The following PACSIN2 variants were observed in gnomAD, a reference collection of about 807,000 sequenced individuals.
PACSIN2 encodes protein kinase C and casein kinase substrate in neurons 2.
Under a neutral mutation model 63.8 loss-of-function variants are expected in PACSIN2, and 25 were observed. That is an observed-to-expected ratio of 0.39 (90% CI 0.29 to 0.55). PACSIN2 has a LOEUF of 0.55. Among genes scored for constraint, PACSIN2 ranks in the 20% least tolerant of loss-of-function variants. The pLI is 0.62. For missense variants in PACSIN2, 518 were observed against 646.9 expected (o/e 0.80, Z 2.16); for synonymous variants, 255 against 256.2 (o/e 1.00, Z 0.05).
chr22:42,985,483 C>G (rs1922540903), intron 1 of PACSIN2, among the ~76,000 whole-genome samples: 1 of 152,244 alleles, frequency 6.6e-6, no homozygotes, highest in African/African-American at 2.4e-5. Context: ...TCACTTCTCT[C>G]CACATGCAGG....
At chr22:42,875,680 T>A (rs1928561271) in intron 10 of PACSIN2, among the ~76,000 whole-genome samples, 2 of 152,088 alleles carry the variant, frequency 1.3e-5, no homozygotes, top group Admixed American at 1.3e-4. Flanking sequence ...TGATTATAGA[T>A]GCCCCGCCAC....
chr22:42,997,842 C>T (rs1923516383), intron 1 of PACSIN2, among the ~76,000 whole-genome samples: 1 of 152,138 alleles, frequency 6.6e-6, no homozygotes. Context: ...GATCACACCA[C>T]TGCACCCCAG....
chr22:42,982,869 T>TAAAAAAAAAAAAAAAAAAA (rs1252040629), intron 1 of PACSIN2, among the ~76,000 whole-genome samples: 16 of 43,988 alleles, frequency 3.6e-4, no homozygotes, highest in Admixed American at 7.1e-4. Flanking sequence ...GAATGATCAA[T>TAAAAAAAAAAAAAAAAAAA]AAAAAAAAAA....
chr22:42,924,519 G>A (rs2146756596), intron 1 of PACSIN2, among the ~76,000 whole-genome samples: 1 of 152,096 alleles, frequency 6.6e-6, no homozygotes, highest in South Asian at 2.1e-4. Context: ...AGCCCCCCAT[G>A]CAGAGTAAAA....
Position 42,871,050 on chromosome 22 carries a change from T to A in PACSIN2, c.*307A>T. The A allele has an allele frequency of 2.6e-6, 1 of 385,674 alleles. No individual in the cohort carries two copies. Among genetic ancestry groups the A allele is most frequent in the South Asian group, 3.3e-5 (1 of 30,650 alleles). 23.9% of individuals were successfully genotyped at this position (385,674 alleles called of 1,614,324 possible). A position where few individuals can be genotyped will look rare whatever the true frequency, so the allele number is the denominator to read the frequency against. Reference sequence around the variant, plus strand: ...GGAACAAGATCAGTGTAACCCACCATTGACTCGGAAAGGAGAGACAAAGTC... The same window carrying A: ...GGAACAAGATCAGTGTAACCCACCAATGACTCGGAAAGGAGAGACAAAGTC... On this transcript the variant is annotated 3_prime_UTR_variant, in exon 11 of 11. Transcript: ENST00000263246. This position sits in a 1 kb window ranked among gnomAD's most constrained non-coding sequence, Gnocchi z 5.4.
intron 1 of PACSIN2, among the ~76,000 whole-genome samples, chr22:42,987,527 A>ACTTTTTT (rs1922715842): frequency 2.9e-5 from 1 of 34,788 alleles, no homozygotes; most frequent in African/African-American, 2.5e-4. Context: ...GGGCACATTC[A>ACTTTTTT]TTCTTTTTTT....
intron 1 of PACSIN2, among the ~76,000 whole-genome samples, chr22:42,993,071 C>T (rs186664590): frequency 3.9e-5 from 6 of 151,930 alleles, no homozygotes; most frequent in Admixed American, 3.3e-4. Flanking sequence ...GAGCTGGGAG[C>T]TGGGAAGCAG....
At chr22:42,953,592 T>C (rs1933791902) in intron 1 of PACSIN2, among the ~76,000 whole-genome samples, 1 of 152,224 alleles carries the variant, frequency 6.6e-6, no homozygotes, top group Non-Finnish European at 1.5e-5. Context: ...AGCTCTCAGC[T>C]ACAATTTGAG....
intron 1 of PACSIN2, among the ~76,000 whole-genome samples, chr22:42,947,686 A>G (rs972513037): frequency 6.0e-4 from 57 of 95,520 alleles, no homozygotes; most frequent in African/African-American, 9.7e-4. Context: ...GGGGGGGGGG[A>G]CCTCTTAATG....
At chr22:42,934,812 C>G (rs563062405) in intron 1 of PACSIN2, among the ~76,000 whole-genome samples, 3 of 152,354 alleles carry the variant, frequency 2.0e-5, no homozygotes, top group South Asian at 2.1e-4. Flanking sequence ...GTGCCTATCA[C>G]GGTACCCACA....
intron 4 of PACSIN2, among the ~76,000 whole-genome samples, chr22:42,889,401 C>CACACACACACACACACA (rs1569226310): frequency 6.6e-6 from 1 of 152,086 alleles, no homozygotes; most frequent in East Asian, 1.9e-4. Flanking sequence ...CACACACACT[C>CACACACACACACACACA]TTAACAGATC....
chr22:42,941,750 G>C (rs183139756), intron 1 of PACSIN2, among the ~76,000 whole-genome samples: 36 of 152,122 alleles, frequency 2.4e-4, no homozygotes, highest in Admixed American at 4.6e-4. Context: ...TCTTCTTATT[G>C]CTGAGTTTGG....
intron 1 of PACSIN2, among the ~76,000 whole-genome samples, chr22:42,951,185 C>T (rs1933674925): frequency 6.6e-6 from 1 of 152,064 alleles, no homozygotes; most frequent in Non-Finnish European, 1.5e-5. Flanking sequence ...TTTAGGTAAG[C>T]ATGAAATCCA....
intron 1 of PACSIN2, among the ~76,000 whole-genome samples, chr22:42,915,970 C>A (rs1177491395): frequency 6.6e-6 from 1 of 152,220 alleles, no homozygotes; most frequent in African/African-American, 2.4e-5. Context: ...TGAAAGTCTC[C>A]TGCCCAAAGA....
intron 1 of PACSIN2, among the ~76,000 whole-genome samples, chr22:42,917,622 C>A (rs1931896695): frequency 7.2e-6 from 1 of 138,256 alleles, no homozygotes. Context: ...CTCAAAAAAA[C>A]CAACCAAACA....
intron 1 of PACSIN2, among the ~76,000 whole-genome samples, chr22:42,929,437 C>G (rs189566209): frequency 6.6e-6 from 1 of 152,206 alleles, no homozygotes; most frequent in Non-Finnish European, 1.5e-5. Context: ...CTGTCAATAG[C>G]TTCTGAGAAC....
intron 4 of PACSIN2, among the ~76,000 whole-genome samples, chr22:42,890,243 G>A (rs1056385861): frequency 4.6e-5 from 7 of 151,922 alleles, no homozygotes; most frequent in African/African-American, 9.7e-5. Flanking sequence ...CTCGTGATCC[G>A]CCTGCCTCAG....
rs537480874 is a variant in PACSIN2 at position 42,908,791 on chromosome 22, C to T, written c.60+3230G>A. ...CCAGACTTGGTTCCAACCTGGAATGCCATCCCTTCTACTTGTTCCCAATTC... is the reference window on the plus strand; with the variant it reads ...CCAGACTTGGTTCCAACCTGGAATGTCATCCCTTCTACTTGTTCCCAATTC... On this transcript the variant is annotated intron_variant, in intron 2 of 10. Transcript: ENST00000263246. Among the ~76,000 whole-genome samples the T allele has an allele frequency of 1.7e-3, 262 of 152,252 alleles. 2 individuals are homozygous for T. The highest frequency in any genetic ancestry group is 6.0e-3 in the African/African-American group (251 of 41,566).
intron 10 of PACSIN2, among the ~76,000 whole-genome samples, chr22:42,873,025 G>A (rs1050229975): frequency 8.5e-5 from 13 of 152,216 alleles, no homozygotes; most frequent in African/African-American, 3.1e-4. Flanking sequence ...ACTACCATGT[G>A]GCAAACAGCC....
Sources: gnomAD v4.1 joint callset for allele counts (sites outside exome capture counted in the v4.1 genomes callset) on GRCh38, gnomAD v4.1.1 for gene constraint, Gnocchi (gnomAD v3.1) non-coding constraint, MANE v1.5 for transcripts, NCBI Gene and HGNC (gene_info 2026-07-23, HGNC 2026-07-21) for gene names.